Variants in KANK4 observed in about 807,000 individuals in gnomAD.
KANK4 encodes KN motif and ankyrin repeat domain-containing protein 4.
KANK4 carries 50 observed loss-of-function variants against 80.8 expected under a neutral mutation model. The observed-to-expected ratio is 0.62, with a 90% CI of 0.49 to 0.78. The LOEUF (loss-of-function observed/expected upper bound fraction) is 0.78, where lower values mean the gene tolerates loss of function less well. Ranked by LOEUF, KANK4 falls within the 30% of genes least tolerant of loss-of-function variation. KANK4 has a pLI of 0.00. For missense variants in KANK4, 1,196 were observed against 1,240.1 expected, an observed-to-expected ratio of 0.96 and a Z score of 0.53; for synonymous variants, 465 against 506.9, an observed-to-expected ratio of 0.92 and a Z score of 1.11.
chr1:62,273,785 A>C lies in KANK4; in HGVS notation c.1319T>G (p.Met440Arg), dbSNP rs1557488872. Reference sequence around the variant, plus strand: ...TCGGTGCCCCCAGCTTTCAGACTCCATGCTGCCTAGAAGGTTGACTTCAAT... The same window carrying C: ...TCGGTGCCCCCAGCTTTCAGACTCCCTGCTGCCTAGAAGGTTGACTTCAAT... ...KGIEVNLLGS[M>R]ESESWGHRGE... The change falls in exon 3 of 10, where the codon ATG becomes AGG. Residue 440 changes from methionine to arginine, a missense_variant. This residue lies in a region of KANK4 where 1,154 missense variants were observed against 1,179.6 expected (regional missense o/e 0.98). Coordinates refer to ENST00000371153, the MANE Select transcript of KANK4 (RefSeq NM_181712.5). The C allele has an allele frequency of 1.2e-6, 2 of 1,614,112 alleles. No individual in the cohort carries two copies. The highest frequency in any genetic ancestry group is 1.7e-6 in the Non-Finnish European group (2 of 1,180,004).
At chr1:62,306,821 T>C (rs1644455523) in intron 1 of KANK4, among the ~76,000 whole-genome samples, 1 of 152,226 alleles carries the variant, frequency 6.6e-6, no homozygotes, top group African/African-American at 2.4e-5. Flanking sequence ...AACATAATAA[T>C]AATTTCTTTT....
At chr1:62,279,985 G>A (rs1672417482) in intron 2 of KANK4, among the ~76,000 whole-genome samples, 1 of 152,136 alleles carries the variant, frequency 6.6e-6, no homozygotes, top group Admixed American at 6.6e-5. Flanking sequence ...AAGAGAAAAG[G>A]GGACTTCAAG....
intron 6 of KANK4, among the ~76,000 whole-genome samples, chr1:62,264,483 C>T (rs1671970804): frequency 6.6e-6 from 1 of 152,164 alleles, no homozygotes; most frequent in African/African-American, 2.4e-5. Context: ...AGTCATACAA[C>T]CTTTTTGATC....
chr1:62,308,761 C>T (rs1644474170), intron 1 of KANK4, among the ~76,000 whole-genome samples: 1 of 152,194 alleles, frequency 6.6e-6, no homozygotes, highest in Non-Finnish European at 1.5e-5. Context: ...GAACTCAGCA[C>T]CTCAGAGAAC....
At chr1:62,298,723 C>T (rs1018600966) in intron 1 of KANK4, among the ~76,000 whole-genome samples, 2 of 152,288 alleles carry the variant, frequency 1.3e-5, no homozygotes, top group East Asian at 1.9e-4. Flanking sequence ...ATGCCTATAC[C>T]TTACACAGTA....
At chr1:62,292,418 T>A (rs1248306569) in intron 1 of KANK4, among the ~76,000 whole-genome samples, 1 of 152,182 alleles carries the variant, frequency 6.6e-6, no homozygotes, top group Non-Finnish European at 1.5e-5. Context: ...TGCCCTTACA[T>A]GGTGCCACTT....
At position 62,274,393 on chromosome 1, in the gene KANK4, A is replaced by C. The variant is rs12127930; in HGVS notation, c.711T>G (p.Gly237=). The C allele has an allele frequency of 6.2e-7, 1 of 1,613,708 alleles. No homozygotes were observed. The highest frequency in any genetic ancestry group is 8.5e-7 in the Non-Finnish European group (1 of 1,179,852). Residue 237 remains glycine (G), a synonymous_variant, in exon 3 of 10, where the codon GGT becomes GGG. Coordinates refer to ENST00000371153, the MANE Select transcript of KANK4 (RefSeq NM_181712.5). The part of the protein sequence containing the change: ...LVQEGAEPPE[G]VVKVPNHLPL... Reference sequence around the variant, plus strand: ...GGAGGTGATTTGGAACCTTCACCACACCCTCTGGAGGCTCAGCTCCCTCCT... The same window carrying C: ...GGAGGTGATTTGGAACCTTCACCACCCCCTCTGGAGGCTCAGCTCCCTCCT...
At position 62,306,405 on chromosome 1, in the gene KANK4, T is replaced by A. The variant is rs578062185; in HGVS notation, c.-71+12701A>T. ...GTAAGCCCCATTTTTATTTAAAAAA[T>A]TTTCTATACAAATATATCTGGATAT... On this transcript the variant is annotated intron_variant, in intron 1 of 9. Coordinates refer to ENST00000371153, the MANE Select transcript of KANK4 (RefSeq NM_181712.5). 2.6e-5 allele frequency among the ~76,000 whole-genome samples: 4 copies of A among 152,266 alleles called. No individual in the cohort carries two copies. The East Asian group carries it at 5.8e-4, about 22-fold the overall frequency.
chr1:62,286,672 T>G (rs1234924523), intron 1 of KANK4, among the ~76,000 whole-genome samples: 1 of 152,216 alleles, frequency 6.6e-6, no homozygotes, highest in Non-Finnish European at 1.5e-5. Context: ...TTGTTCCTAA[T>G]GAGGACGTAG....
At chr1:62,264,582 T>C (rs959791983) in intron 6 of KANK4, among the ~76,000 whole-genome samples, 13 of 152,194 alleles carry the variant, frequency 8.5e-5, no homozygotes, top group African/African-American at 3.1e-4. Context: ...ACACACCTGC[T>C]TCTTCCTCTA....
At chr1:62,318,597 A>C (rs1017198680) in intron 1 of KANK4, among the ~76,000 whole-genome samples, 8 of 152,196 alleles carry the variant, frequency 5.3e-5, no homozygotes, top group Admixed American at 5.2e-4. Flanking sequence ...GGTTGGCACT[A>C]CGGGGAGACT....
intron 7 of KANK4, among the ~76,000 whole-genome samples, chr1:62,261,352 G>A (rs1557478442): frequency 6.6e-6 from 1 of 151,866 alleles, no homozygotes; most frequent in African/African-American, 2.4e-5. Flanking sequence ...TAGAGAGAGG[G>A]TTTCCCCATG....
rs754580744 is a variant in KANK4 at position 62,274,544 on chromosome 1, G to A, written c.560C>T (p.Pro187Leu). The A allele has an allele frequency of 1.2e-6, 2 of 1,614,126 alleles. No individual in the cohort carries two copies. The highest frequency in any genetic ancestry group is 2.2e-5 in the South Asian group (2 of 91,078). Residue 187 changes from proline (P) to leucine (L), a missense_variant, in exon 3 of 10, where the codon CCT (proline) becomes CTT (leucine). By Grantham distance (98) the Pro-to-Leu change is moderately conservative. This residue lies in a region of KANK4 where 1,154 missense variants were observed against 1,179.6 expected (regional missense o/e 0.98). Transcript: ENST00000371153. ...EPGLSLGPPA[P>L]PALPPLQGEG... ...ACCCTGAAGGGGAGGGAGGGCAGGA[G>A]GGGCAGGGGGCCCCAGGCTCAGGCC... is the stretch of plus-strand genomic sequence containing the variant.
At chr1:62,286,457 C>A (rs1022714482) in intron 1 of KANK4, among the ~76,000 whole-genome samples, 3 of 152,232 alleles carry the variant, frequency 2.0e-5, no homozygotes, top group African/African-American at 7.2e-5. Context: ...AAGACTGGAT[C>A]TTGCAGAAAG....
chr1:62,280,893 G>A (rs1366112044), intron 2 of KANK4, among the ~76,000 whole-genome samples: 1 of 152,222 alleles, frequency 6.6e-6, no homozygotes, highest in African/African-American at 2.4e-5. Flanking sequence ...ATGGCCTTAT[G>A]ACTTGTGTCG....
chr1:62,271,335 A>G, intron 4 of KANK4, 143 bp downstream of exon 4: 1 of 656,462 alleles, frequency 1.5e-6, no homozygotes, highest in South Asian at 1.8e-5. Context: ...CAAACCCGAG[A>G]TGGAGTTTTA....
At chr1:62,294,740 A>C (rs1886832) in intron 1 of KANK4, among the ~76,000 whole-genome samples, 1 of 152,028 alleles carries the variant, frequency 6.6e-6, no homozygotes, top group South Asian at 2.1e-4. Context: ...TCAGTCTGAC[A>C]AGAAGCGGAC....
chr1:62,316,522 C>T (rs1349216874), intron 1 of KANK4, among the ~76,000 whole-genome samples: 1 of 152,190 alleles, frequency 6.6e-6, no homozygotes, highest in Non-Finnish European at 1.5e-5. Context: ...GCTGTGGGTA[C>T]TTAGGCAGTC....
intron 1 of KANK4, among the ~76,000 whole-genome samples, chr1:62,311,727 G>A (rs2149173740): frequency 6.6e-6 from 1 of 152,254 alleles, no homozygotes; most frequent in Non-Finnish European, 1.5e-5. Context: ...ATCAGCTCAG[G>A]GGCTGGTGGG....
Sources: gnomAD v4.1 joint callset for allele counts (sites outside exome capture counted in the v4.1 genomes callset) on GRCh38, gnomAD v4.1.1 for gene constraint, gnomAD v4.1.1 regional missense constraint, MANE v1.5 for transcripts, NCBI Gene and HGNC (gene_info 2026-07-23, HGNC 2026-07-21) for gene names.